Variants in MED13L observed in about 807,000 individuals in gnomAD.
MED13L encodes the protein mediator complex subunit 13L, also known as mediator of RNA polymerase II transcription subunit 13-like.
A neutral mutation model predicts 220.9 loss-of-function variants in MED13L; 7 were observed. That is an observed-to-expected ratio of 0.03 (90% CI 0.02 to 0.06). The LOEUF (loss-of-function observed/expected upper bound fraction) is 0.06. Among genes scored for constraint, MED13L ranks in the 10% least tolerant of loss-of-function variants. The pLI, the probability that MED13L is intolerant of heterozygous loss-of-function variation, is 1.00. For synonymous variants in MED13L, 1,011 were observed against 1,015.2 expected (o/e 1.00, Z 0.08); for missense variants, 1,965 against 2,760.5 (o/e 0.71, Z 6.46).
intron 2 of MED13L, among the ~76,000 whole-genome samples, chr12:116,195,458 A>T (rs994364396): frequency 4.6e-5 from 7 of 152,016 alleles, no homozygotes; most frequent in South Asian, 2.1e-4. Flanking sequence ...TATGCTTAAA[A>T]TTTTTTTCTT....
At chr12:116,154,207 C>A (rs1402111982) in intron 2 of MED13L, among the ~76,000 whole-genome samples, 1 of 152,048 alleles carries the variant, frequency 6.6e-6, no homozygotes, top group Non-Finnish European at 1.5e-5. Context: ...TGGTGGTTTG[C>A]CAAAACAAAG....
intron 1 of MED13L, among the ~76,000 whole-genome samples, chr12:116,275,243 T>C (rs566314216): frequency 2.0e-5 from 3 of 152,082 alleles, no homozygotes; most frequent in Non-Finnish European, 4.4e-5. Context: ...TCCCTGAACC[T>C]GACTGATACT....
At chr12:116,038,720 A>ACTTTACCTATG (rs1316042043) in intron 4 of MED13L, among the ~76,000 whole-genome samples, 2 of 129,692 alleles carry the variant, frequency 1.5e-5, no homozygotes, top group East Asian at 4.8e-4. Context: ...AGCAAGCAGG[A>ACTTTACCTATG]CTTTACCTAT....
At chr12:116,137,920 G>A (rs934984237) in intron 2 of MED13L, among the ~76,000 whole-genome samples, 4 of 146,050 alleles carry the variant, frequency 2.7e-5, no homozygotes, top group African/African-American at 5.1e-5. Context: ...GCAATGGTGC[G>A]ATCTCAGCTC....
Position 115,959,780 on chromosome 12 carries a change from T to C in MED13L, c.*1486A>G, listed in dbSNP as rs897750725. ...TTTTTTAATATAATGTTTTAAACTT[T>C]AGATTATTTCAAGAAAAATACTTTT... On this transcript the variant is annotated 3_prime_UTR_variant, in exon 31 of 31. Transcript: ENST00000281928. 2.0e-5 allele frequency: 3 copies of C among 152,672 alleles called. No individual in the cohort carries two copies. The highest frequency in any genetic ancestry group is 4.4e-5 in the Non-Finnish European group (3 of 68,050). The allele number at this position is 152,672 out of a possible 1,614,324, so 9.5% of individuals were successfully genotyped here. A position where few individuals can be genotyped will look rare whatever the true frequency, so the allele number is the denominator to read the frequency against.
At chr12:116,231,135 G>A (rs770928390) in intron 2 of MED13L, among the ~76,000 whole-genome samples, 32 of 152,126 alleles carry the variant, frequency 2.1e-4, no homozygotes, top group South Asian at 1.0e-3. Context: ...GGAATTTTTC[G>A]GTTGGTTTAA....
chr12:116,248,202 A>G (rs1871239813), intron 1 of MED13L, among the ~76,000 whole-genome samples: 1 of 152,232 alleles, frequency 6.6e-6, no homozygotes, highest in Non-Finnish European at 1.5e-5. Context: ...TGAACTTAAT[A>G]CATAGTTAAA....
At chr12:116,102,872 C>A (rs549657420) in intron 3 of MED13L, among the ~76,000 whole-genome samples, 7 of 151,794 alleles carry the variant, frequency 4.6e-5, no homozygotes, top group African/African-American at 1.4e-4. Flanking sequence ...CAGACGCGCC[C>A]CACCACGCCT....
intron 1 of MED13L, among the ~76,000 whole-genome samples, chr12:116,260,934 G>C (rs1872468934): frequency 6.6e-6 from 1 of 152,140 alleles, no homozygotes; most frequent in South Asian, 2.1e-4. Flanking sequence ...AGGTAACAAA[G>C]GCTGATACAG....
chr12:116,123,974 A>G (rs1028344750), intron 2 of MED13L, among the ~76,000 whole-genome samples: 1 of 152,160 alleles, frequency 6.6e-6, no homozygotes, highest in African/African-American at 2.4e-5. Context: ...ATTTATAGAC[A>G]GGGGAAAACT....
At chr12:116,191,086 TG>T (rs1419700206) in intron 2 of MED13L, among the ~76,000 whole-genome samples, 6 of 143,282 alleles carry the variant, frequency 4.2e-5, no homozygotes, top group Admixed American at 3.5e-4. Context: ...AGCGAGACTC[TG>T]TCTCAAAAAA....
intron 3 of MED13L, among the ~76,000 whole-genome samples, chr12:116,104,139 T>C (rs973707716): frequency 1.9e-4 from 28 of 150,520 alleles, no homozygotes; most frequent in African/African-American, 5.8e-4. Context: ...GTCTCCCAAG[T>C]AGCTGGGATT....
intron 27 of MED13L, among the ~76,000 whole-genome samples, chr12:115,969,577 C>G (rs1876433254): frequency 1.3e-5 from 2 of 149,852 alleles, no homozygotes; most frequent in Admixed American, 1.3e-4. Flanking sequence ...AATGTTTTCT[C>G]TCTTTTTTTT....
At chr12:116,197,569 C>A (rs1881713873) in intron 2 of MED13L, among the ~76,000 whole-genome samples, 1 of 152,034 alleles carries the variant, frequency 6.6e-6, no homozygotes, top group Non-Finnish European at 1.5e-5. Flanking sequence ...GAGTTCAAGA[C>A]CAGCCTGACC....
In MED13L at chr12:116,251,308, C is replaced by CTTTT. The variant is rs61533775; in HGVS notation, c.73-13607_73-13604dup. ...AAGGCAGAGATTCTCATCATGGATC[C>CTTTT]TTTTTTTTTTTTTTTTTTTTTTTTT... On this transcript the variant is annotated intron_variant, in intron 1 of 30. Coordinates refer to ENST00000281928, the MANE Select transcript of MED13L (RefSeq NM_015335.5). 1.1e-4 allele frequency among the ~76,000 whole-genome samples: 10 copies of CTTTT among 87,874 alleles called. 1 individual carries two copies. The highest frequency in any genetic ancestry group is 1.8e-4 in the African/African-American group (4 of 22,316). The allele number at this position is 87,874 out of a possible 152,430, so 57.6% of individuals were successfully genotyped here.
intron 4 of MED13L, among the ~76,000 whole-genome samples, chr12:116,037,450 T>G (rs1881258427): frequency 6.6e-6 from 1 of 152,196 alleles, no homozygotes; most frequent in Non-Finnish European, 1.5e-5. Flanking sequence ...CCAAGATAAC[T>G]CATTTTGTAT....
intron 3 of MED13L, among the ~76,000 whole-genome samples, chr12:116,098,922 T>C (rs889691963): frequency 2.6e-5 from 4 of 152,182 alleles, no homozygotes; most frequent in African/African-American, 7.2e-5. Flanking sequence ...CAGACTTAAT[T>C]ATATTTTTAT....
chr12:116,147,635 C>T (rs535508624), intron 2 of MED13L, among the ~76,000 whole-genome samples: 10 of 152,054 alleles, frequency 6.6e-5, no homozygotes, highest in Non-Finnish European at 1.3e-4. Flanking sequence ...CTTGACAGCA[C>T]GATATGCTAA....
At chr12:116,185,652 GCTTTT>G (rs11274833) in intron 2 of MED13L, among the ~76,000 whole-genome samples, 23,165 of 138,996 alleles carry the variant, frequency 0.17, 2,527 homozygotes, top group Non-Finnish European at 0.23. Flanking sequence ...TTCATCACAT[GCTTTT>G]CTTTTCTTTT....
Sources: allele counts gnomAD v4.1 joint callset (sites outside exome capture counted in the v4.1 genomes callset), GRCh38; gene constraint gnomAD v4.1.1; transcripts MANE v1.5; gene names NCBI Gene and HGNC (gene_info 2026-07-23, HGNC 2026-07-21).